The following MBNL2 variants were observed in gnomAD, a reference collection of about 807,000 sequenced individuals.
MBNL2 encodes muscleblind-like protein 2.
Under a neutral mutation model 41.9 loss-of-function variants are expected in MBNL2, and 17 were observed. The ratio of observed to expected loss-of-function variants is 0.41; its 90% CI spans 0.28 to 0.61. MBNL2 has a LOEUF of 0.61. Ranked by LOEUF, MBNL2 falls within the 20% of genes least tolerant of loss-of-function variation. The pLI is 0.35. For synonymous variants in MBNL2, 195 were observed against 182.9 expected (o/e 1.07, Z -0.53); for missense variants, 336 against 505.6 (o/e 0.66, Z 3.22).
chr13:97,367,466 T>C (rs2063945223), intron 8 of MBNL2, among the ~76,000 whole-genome samples: 1 of 152,212 alleles, frequency 6.6e-6, no homozygotes, highest in Admixed American at 6.5e-5. Context: ...AAATCAGCTC[T>C]GCTAATAAAA....
intron 2 of MBNL2, among the ~76,000 whole-genome samples, chr13:97,321,859 A>G (rs750100404): frequency 1.3e-5 from 2 of 152,184 alleles, no homozygotes; most frequent in Non-Finnish European, 2.9e-5. Flanking sequence ...TACTAGCTGT[A>G]TGCCCATGGA....
rs117482908 is a variant in MBNL2 at position 97,392,612 on chromosome 13, T to C, written c.*1163T>C. ...TACTATATATGGATGAAACATATTT[T>C]AATGTTGTTTACTTTTTTAAATACT... On this transcript the variant is annotated 3_prime_UTR_variant, in exon 9 of 9. Coordinates refer to ENST00000679496, the MANE Select transcript of MBNL2 (RefSeq NM_001382683.1). 6.6e-6 allele frequency: 1 copy of C among 152,510 alleles called. No homozygotes were observed. The highest frequency in any genetic ancestry group is 1.5e-5 in the Non-Finnish European group (1 of 67,942). 9.4% of individuals were successfully genotyped at this position (152,510 alleles called of 1,614,324 possible).
At chr13:97,178,447 G>C in the MBNL2 span, among the ~76,000 whole-genome samples, 780 of 152,278 alleles carry the variant, frequency 5.1e-3, 9 homozygotes, top group African/African-American at 0.018. Flanking sequence ...ACATAGTAAA[G>C]ACTGAATATT....
chr13:97,296,738 A>G (rs546930238), intron 2 of MBNL2, among the ~76,000 whole-genome samples: 29 of 152,234 alleles, frequency 1.9e-4, no homozygotes, highest in Non-Finnish European at 3.8e-4. Context: ...AGATTTTGAC[A>G]TACATACTAG....
rs959632098 is a variant in MBNL2 at position 97,366,950 on chromosome 13, G to GA, written c.1048+1786dup. ...TTCAGACCCTATCATCTGTGTGGAGGAAAAAAATCTCCTCTTAGAAAGAGT... is the reference window on the plus strand; with the variant it reads ...TTCAGACCCTATCATCTGTGTGGAGGAAAAAAAATCTCCTCTTAGAAAGAGT... On this transcript the variant is annotated intron_variant, in intron 8 of 8. Coordinates refer to ENST00000679496, the MANE Select transcript of MBNL2 (RefSeq NM_001382683.1). This position sits in a 1 kb window ranked among gnomAD's most constrained non-coding sequence, Gnocchi z 4.7. Among the ~76,000 whole-genome samples, 27 of 152,030 alleles carry GA rather than the reference G, an allele frequency of 1.8e-4. No individual in the cohort carries two copies. Among genetic ancestry groups the GA allele is most frequent in the Admixed American group, 1.4e-3 (22 of 15,294 alleles).
At chr13:97,284,119 C>T (rs959599431) in intron 2 of MBNL2, among the ~76,000 whole-genome samples, 1 of 152,222 alleles carries the variant, frequency 6.6e-6, no homozygotes, top group African/African-American at 2.4e-5. Context: ...CAAAGTACCA[C>T]AAACCGTGTG....
At chr13:97,279,004 C>A (rs1395700008) in intron 2 of MBNL2, among the ~76,000 whole-genome samples, 2 of 152,140 alleles carry the variant, frequency 1.3e-5, no homozygotes, top group Non-Finnish European at 2.9e-5. Flanking sequence ...GAAGTAAGCA[C>A]GGTCTGTAGC....
At chr13:97,373,751 T>C (rs1357331481) in intron 8 of MBNL2, among the ~76,000 whole-genome samples, 1 of 152,110 alleles carries the variant, frequency 6.6e-6, no homozygotes, top group Non-Finnish European at 1.5e-5. Flanking sequence ...AATAGACTTT[T>C]TATTTTCCTG....
rs904407873 is a variant in MBNL2, at chr13:97,364,692, G to A, written c.1013-444G>A. ...AATATAAAAGTTGACCTGGATTTAC[G>A]AAGAGAATTCTATTTCTAGCCTTCC... On this transcript the variant is annotated intron_variant, in intron 7 of 8. Transcript: ENST00000679496. 7.2e-5 allele frequency among the ~76,000 whole-genome samples: 11 copies of A among 152,318 alleles called. No homozygotes were observed. The East Asian group carries it at 1.2e-3, about 16-fold the overall frequency.
intron 1 of MBNL2, among the ~76,000 whole-genome samples, chr13:97,241,197 G>A (rs561561877): frequency 7.2e-5 from 11 of 152,180 alleles, no homozygotes; most frequent in Non-Finnish European, 1.6e-4. Context: ...AGTTGCCTGT[G>A]TTGGAAGACT....
chr13:97,332,350 T>C (rs1247889131), intron 2 of MBNL2, among the ~76,000 whole-genome samples: 3 of 152,230 alleles, frequency 2.0e-5, no homozygotes, highest in Admixed American at 2.0e-4. Flanking sequence ...GATAGAATTG[T>C]ATTTGGCCAC....
intron 1 of MBNL2, among the ~76,000 whole-genome samples, chr13:97,251,131 AG>A (rs2046420859): frequency 6.6e-6 from 1 of 150,948 alleles, no homozygotes. Context: ...CATGTGGCTG[AG>A]GGAATGGTTA....
chr13:97,306,530 C>T (rs1363586852), intron 2 of MBNL2, among the ~76,000 whole-genome samples: 1 of 152,196 alleles, frequency 6.6e-6, no homozygotes, highest in Non-Finnish European at 1.5e-5. Context: ...ACATAAATGA[C>T]ACCTCTTACA....
chr13:97,331,492 C>T (rs9584552), intron 2 of MBNL2, among the ~76,000 whole-genome samples: 45,495 of 152,036 alleles, frequency 0.3, 9,254 homozygotes, highest in African/African-American at 0.59. Context: ...TTATGCATCC[C>T]ATTATTATAC....
the MBNL2 span, among the ~76,000 whole-genome samples, chr13:97,142,396 C>G: frequency 6.6e-6 from 1 of 152,178 alleles, no homozygotes; most frequent in African/African-American, 2.4e-5. Flanking sequence ...TCATCAAATG[C>G]TGAAGGCAAG....
chr13:97,167,748 T>C, the MBNL2 span, among the ~76,000 whole-genome samples: 2 of 152,192 alleles, frequency 1.3e-5, no homozygotes, highest in Non-Finnish European at 2.9e-5. Flanking sequence ...TCAGAGTCTT[T>C]TGTGCCTCAT....
chr13:97,353,827 C>T (rs921618250), intron 5 of MBNL2, among the ~76,000 whole-genome samples: 3 of 152,044 alleles, frequency 2.0e-5, no homozygotes, highest in Admixed American at 6.6e-5. Context: ...GACAAGCTGC[C>T]GTCAGCTAGA....
At chr13:97,354,026 T>C (rs2062754673) in intron 5 of MBNL2, among the ~76,000 whole-genome samples, 1 of 145,866 alleles carries the variant, frequency 6.9e-6, no homozygotes, top group Non-Finnish European at 1.5e-5. Flanking sequence ...TGCAGGTGAA[T>C]TGGTCCTCAA....
At chr13:97,205,892 A>C in the MBNL2 span, among the ~76,000 whole-genome samples, 3 of 152,348 alleles carry the variant, frequency 2.0e-5, no homozygotes, top group Non-Finnish European at 2.9e-5. Flanking sequence ...AAAAGACAAC[A>C]CAAAGAAGGA....
Sources: gnomAD v4.1 joint callset for allele counts (sites outside exome capture counted in the v4.1 genomes callset) on GRCh38, gnomAD v4.1.1 for gene constraint, Gnocchi (gnomAD v3.1) non-coding constraint, MANE v1.5 for transcripts, NCBI Gene and HGNC (gene_info 2026-07-23, HGNC 2026-07-21) for gene names.